The following EML6 variants were observed in gnomAD, a reference collection of about 807,000 sequenced individuals.
The protein encoded by EML6 is EMAP like 6.
EML6 carries 154 observed loss-of-function variants against 240.1 expected under a neutral mutation model. The ratio of observed to expected loss-of-function variants is 0.64; its 90% confidence interval spans 0.56 to 0.73. The LOEUF (loss-of-function observed/expected upper bound fraction) is 0.73. Ranked by LOEUF, EML6 falls within the 30% of genes least tolerant of loss-of-function variation. The pLI is 0.00. For synonymous variants in EML6, 1,148 were observed against 899.0 expected, an observed-to-expected ratio of 1.28 and a Z score of -4.95; for missense variants, 2,964 against 2,474.6, an observed-to-expected ratio of 1.20 and a Z score of -4.20.
Position 54,926,178 on chromosome 2 carries a change from A to T in EML6, c.3676-2135A>T, listed in dbSNP as rs184514549. On this transcript the variant is annotated intron_variant, in intron 26 of 41. Coordinates refer to ENST00000356458, the MANE Select transcript of EML6 (RefSeq NM_001039753.4). ...GTGCAGTGGTGTGATCTTGGCTGAC[A>T]GCAACCTCTGCCTCCCAGGTTCAAG... is the stretch of plus-strand genomic sequence containing the variant. 5.4e-3 allele frequency among the ~76,000 whole-genome samples: 825 copies of T among 152,256 alleles called. 2 individuals are homozygous for T. Among genetic ancestry groups the T allele is most frequent in the Non-Finnish European group, 8.8e-3 (597 of 68,010 alleles).
intron 2 of EML6, among the ~76,000 whole-genome samples, chr2:54,809,171 G>A (rs1422853154): frequency 6.6e-6 from 1 of 152,168 alleles, no homozygotes; most frequent in Non-Finnish European, 1.5e-5. Flanking sequence ...CAGTGCTGTC[G>A]TAGCTAAAAT....
At chr2:54,867,029 T>C (rs886603208) in intron 14 of EML6, 145 bp downstream of exon 14, 5 of 524,678 alleles carry the variant, frequency 9.5e-6, no homozygotes, top group African/African-American at 7.6e-5. Flanking sequence ...CACTTGTACC[T>C]GTGGTTGCTA....
chr2:54,936,216 G>T (rs377705245), intron 28 of EML6, among the ~76,000 whole-genome samples: 5 of 152,194 alleles, frequency 3.3e-5, no homozygotes, highest in Non-Finnish European at 7.3e-5. Context: ...GTAACTACAC[G>T]ATCACAAAGG....
At chr2:54,784,240 C>G (rs1049211721) in intron 2 of EML6, among the ~76,000 whole-genome samples, 1 of 152,128 alleles carries the variant, frequency 6.6e-6, no homozygotes, top group Non-Finnish European at 1.5e-5. Context: ...GCCACTGCAC[C>G]TGGCCTGAAC....
intron 26 of EML6, among the ~76,000 whole-genome samples, chr2:54,920,364 A>C (rs750516741): frequency 3.3e-5 from 5 of 152,200 alleles, no homozygotes; most frequent in Admixed American, 6.5e-5. Flanking sequence ...AAAGGATCAT[A>C]AGAGACTACT....
chr2:54,832,099 C>T (rs1668900799), intron 7 of EML6, among the ~76,000 whole-genome samples: 1 of 152,184 alleles, frequency 6.6e-6, no homozygotes, highest in Non-Finnish European at 1.5e-5. Flanking sequence ...TATCATCAAG[C>T]ATCAAAAGAG....
chr2:54,951,831 G>C (rs1478855571), intron 30 of EML6, among the ~76,000 whole-genome samples: 1 of 152,110 alleles, frequency 6.6e-6, no homozygotes, highest in Non-Finnish European at 1.5e-5. Flanking sequence ...GGGGGAGGAG[G>C]ACCTTGACAT....
At chr2:54,900,629 G>C (rs1480907921) in intron 22 of EML6, among the ~76,000 whole-genome samples, 1 of 152,188 alleles carries the variant, frequency 6.6e-6, no homozygotes, top group Non-Finnish European at 1.5e-5. Flanking sequence ...TGACCCTGCG[G>C]GAGGCAGCCA....
chr2:54,859,707 C>T lies in EML6; in HGVS notation c.1825+6C>T, dbSNP rs759447221. 5.5e-4 allele frequency: 832 copies of T among 1,525,592 alleles called. 7 individuals carry two copies. The highest frequency in any genetic ancestry group is 1.9e-4 in the Non-Finnish European group (220 of 1,138,158). 94.5% of individuals were successfully genotyped at this position (1,525,592 alleles called of 1,614,324 possible). On this transcript the variant is annotated splice_donor_region_variant and intron_variant, in intron 12 of 41. Coordinates refer to ENST00000356458, the MANE Select transcript of EML6 (RefSeq NM_001039753.4). ...GCTGGAAACTGCACCCCAAGGTAAACCCAGCAATAATTTCTTAACATCATT... is the reference window on the plus strand; with the variant it reads ...GCTGGAAACTGCACCCCAAGGTAAATCCAGCAATAATTTCTTAACATCATT...
At chr2:54,823,870 C>CTCTCTCTCTCTCTCTCTCTT (rs70944189) in intron 5 of EML6, among the ~76,000 whole-genome samples, 6 of 146,496 alleles carry the variant, frequency 4.1e-5, no homozygotes, top group African/African-American at 1.5e-4. Context: ...CTCTCTCTCT[C>CTCTCTCTCTCTCTCTCTCTT]TCTCTCTTTC....
At chr2:54,912,492 A>G (rs1203391284) in intron 25 of EML6, among the ~76,000 whole-genome samples, 1 of 152,196 alleles carries the variant, frequency 6.6e-6, no homozygotes, top group African/African-American at 2.4e-5. Context: ...GAGGACTGGC[A>G]TACAAATTAT....
chr2:54,866,785 C>T lies in EML6; in HGVS notation c.1952C>T (p.Pro651Leu), dbSNP rs1467567836. The change falls in exon 14 of 42, where the codon CCT (proline) becomes CTT (leucine). Residue 651 changes from proline (P) to leucine (L), a missense_variant. Coordinates refer to ENST00000356458, the MANE Select transcript of EML6 (RefSeq NM_001039753.4). ...TTTAAGGTTTACAAAGAAGATCTAC[C>T]TCAGCTAAAGCAACAAAGTAAAGAG... ...YDRQVYKEDLPQLKQQSKEKN... is the reference protein window; with the variant it reads ...YDRQVYKEDLLQLKQQSKEKN... 1 of 1,550,434 alleles carries T rather than the reference C, an allele frequency of 6.4e-7. No individual in the cohort carries two copies. The highest frequency in any genetic ancestry group is 1.4e-5 in the African/African-American group (1 of 73,128).
chr2:54,895,486 TAAG>T, intron 21 of EML6, 86 bp downstream of exon 21: 1 of 1,342,762 alleles, frequency 7.4e-7, no homozygotes, highest in Non-Finnish European at 1.0e-6. Context: ...TTGCAAAACT[TAAG>T]GAGGCACTCA....
At chr2:54,895,517 G>C (rs974234539) in intron 21 of EML6, 117 bp downstream of exon 21, 19 of 949,856 alleles carry the variant, frequency 2.0e-5, no homozygotes, top group Non-Finnish European at 2.8e-5. Context: ...GGTTGCACAA[G>C]AGTTGAACTA....
At chr2:54,786,481 C>T (rs1669095585) in intron 2 of EML6, among the ~76,000 whole-genome samples, 1 of 152,180 alleles carries the variant, frequency 6.6e-6, no homozygotes, top group African/African-American at 2.4e-5. Context: ...GGGGTCCCCT[C>T]CCCTGCTCAA....
intron 2 of EML6, among the ~76,000 whole-genome samples, chr2:54,794,482 G>A (rs1388705417): frequency 6.6e-6 from 1 of 152,180 alleles, no homozygotes; most frequent in African/African-American, 2.4e-5. Context: ...TGAGGGAGTA[G>A]GGACAGGACG....
intron 29 of EML6, 25 bp downstream of exon 29, chr2:54,948,985 C>G: frequency 6.7e-7 from 1 of 1,485,962 alleles, no homozygotes; most frequent in Non-Finnish European, 9.2e-7. Flanking sequence ...CACTTGTAGT[C>G]TGATATTGAC....
chr2:54,806,039 T>A (rs1670455836), intron 2 of EML6, among the ~76,000 whole-genome samples: 1 of 152,198 alleles, frequency 6.6e-6, no homozygotes, highest in African/African-American at 2.4e-5. Flanking sequence ...CTGTCTTAAT[T>A]CCTTTTAATA....
intron 2 of EML6, among the ~76,000 whole-genome samples, chr2:54,796,749 TGTGTTTCTTGTGGTAACATAA>T (rs1324764948): frequency 5.9e-5 from 9 of 152,110 alleles, no homozygotes; most frequent in Admixed American, 5.9e-4. Context: ...GAGAAAATGT[TGTGTTTCTTGTGGTAACATAA>T]GTGAATGCAT....
Sources: gnomAD v4.1 joint callset for allele counts (sites outside exome capture counted in the v4.1 genomes callset) on GRCh38, gnomAD v4.1.1 for gene constraint, MANE v1.5 for transcripts, NCBI Gene and HGNC (gene_info 2026-07-23, HGNC 2026-07-21) for gene names.